Variants in TMED3 observed in about 807,000 individuals in gnomAD.
TMED3 encodes transmembrane p24 trafficking protein 3.
A neutral mutation model predicts 15.0 loss-of-function variants in TMED3; 9 were observed. That is an observed-to-expected ratio of 0.60 (90% CI 0.36 to 1.04). TMED3 has a LOEUF of 1.04. Among genes scored for constraint, TMED3 ranks in the 50% least tolerant of loss-of-function variants. The probability of loss-of-function intolerance (pLI) is 0.01; values close to 1 mark genes in which losing one functional copy is unlikely to be tolerated. For missense variants in TMED3, 267 were observed against 278.9 expected (o/e 0.96, Z 0.30); for synonymous variants, 117 against 121.4 (o/e 0.96, Z 0.24).
At chr15:79,355,557 T>G (rs1247650606) in intron 2 of TMED3, among the ~76,000 whole-genome samples, 2 of 152,084 alleles carry the variant, frequency 1.3e-5, no homozygotes, top group Admixed American at 1.3e-4. Context: ...AAGCCAGACA[T>G]CCACAATAAC....
intron 2 of TMED3, among the ~76,000 whole-genome samples, chr15:79,391,725 T>A (rs1458143037): frequency 6.6e-6 from 1 of 152,238 alleles, no homozygotes; most frequent in Non-Finnish European, 1.5e-5. Context: ...TCTCATTTCT[T>A]AGGTCTATTA....
At chr15:79,355,179 C>G (rs1458701638) in intron 2 of TMED3, among the ~76,000 whole-genome samples, 1 of 152,072 alleles carries the variant, frequency 6.6e-6, no homozygotes, top group African/African-American at 2.4e-5. Context: ...TAAGTAACTC[C>G]AAAACACTGT....
chr15:79,333,548 A>G (rs1011347458), intron 2 of TMED3, among the ~76,000 whole-genome samples: 6 of 152,196 alleles, frequency 3.9e-5, no homozygotes, highest in Non-Finnish European at 7.3e-5. Context: ...TTTCAGTTCA[A>G]TATTTGACCA....
At chr15:79,374,703 G>A (rs937602582) in intron 2 of TMED3, among the ~76,000 whole-genome samples, 14 of 152,196 alleles carry the variant, frequency 9.2e-5, no homozygotes, top group African/African-American at 2.9e-4. Flanking sequence ...AAGGACTTGG[G>A]GGGTTAGGGA....
downstream of TMED3, among the ~76,000 whole-genome samples, chr15:79,324,616 A>G (rs776063649): frequency 3.3e-5 from 5 of 152,222 alleles, no homozygotes; most frequent in African/African-American, 4.8e-5. Context: ...CTCCCTTGTA[A>G]CTATTTAAAT....
At chr15:79,335,800 G>A (rs1014135956) in intron 2 of TMED3, among the ~76,000 whole-genome samples, 7 of 152,178 alleles carry the variant, frequency 4.6e-5, no homozygotes, top group East Asian at 1.9e-4. Flanking sequence ...AAATGTAAAC[G>A]CTAGCTTTCT....
intron 2 of TMED3, among the ~76,000 whole-genome samples, chr15:79,332,899 C>T (rs1419489276): frequency 1.3e-5 from 2 of 152,198 alleles, no homozygotes; most frequent in Admixed American, 6.5e-5. Context: ...CACCTCCTCT[C>T]CAGCCTTAGG....
chr15:79,376,138 C>G (rs908937799), intron 2 of TMED3, among the ~76,000 whole-genome samples: 2 of 131,210 alleles, frequency 1.5e-5, no homozygotes, highest in Non-Finnish European at 3.1e-5. Flanking sequence ...GAGACGAAGT[C>G]TCGCTCTGTC....
At chr15:79,354,471 C>T (rs867824881) in intron 2 of TMED3, among the ~76,000 whole-genome samples, 2 of 152,258 alleles carry the variant, frequency 1.3e-5, no homozygotes, top group Middle Eastern at 6.8e-3. Context: ...AGCCATTGGG[C>T]TTGTGTGGTG....
intron 2 of TMED3, among the ~76,000 whole-genome samples, chr15:79,404,169 A>G (rs889798357): frequency 6.6e-6 from 1 of 152,190 alleles, no homozygotes; most frequent in African/African-American, 2.4e-5. Flanking sequence ...TTGCATGGAG[A>G]GCTGGAGGAA....
At chr15:79,341,228 A>G (rs985684668) in intron 2 of TMED3, among the ~76,000 whole-genome samples, 1 of 8,538 alleles carries the variant, frequency 1.2e-4, no homozygotes, top group African/African-American at 5.3e-4. Flanking sequence ...AGGTGAAGAA[A>G]GAAAGCCAGC....
intron 2 of TMED3, among the ~76,000 whole-genome samples, chr15:79,369,698 T>A (rs7169738): frequency 0.11 from 16,909 of 152,320 alleles, 1,010 homozygotes; most frequent in Admixed American, 0.14. Context: ...TGGAGTAGTC[T>A]TGTTTTTGTC....
At chr15:79,360,908 A>G (rs1450977588) in intron 2 of TMED3, among the ~76,000 whole-genome samples, 1 of 152,172 alleles carries the variant, frequency 6.6e-6, no homozygotes, top group Non-Finnish European at 1.5e-5. Flanking sequence ...GGAGTGCACT[A>G]TTGTGATCAT....
intron 2 of TMED3, among the ~76,000 whole-genome samples, chr15:79,370,066 C>T (rs544764930): frequency 6.6e-6 from 1 of 152,180 alleles, no homozygotes; most frequent in East Asian, 1.9e-4. Flanking sequence ...TAGGGAATGT[C>T]TGGTGAAGAA....
chr15:79,375,645 A>G (rs1283818403), intron 2 of TMED3, among the ~76,000 whole-genome samples: 2 of 152,126 alleles, frequency 1.3e-5, no homozygotes, highest in East Asian at 1.9e-4. Flanking sequence ...GAGGTGCCAC[A>G]TACTTTTAAA....
chr15:79,407,203 G>A (rs1042714909), intron 2 of TMED3, among the ~76,000 whole-genome samples: 1 of 152,170 alleles, frequency 6.6e-6, no homozygotes, highest in African/African-American at 2.4e-5. Context: ...TTGAGTGAAA[G>A]CTTGGAGGAG....
At chr15:79,394,377 G>T (rs1367084413) in intron 2 of TMED3, among the ~76,000 whole-genome samples, 2 of 152,184 alleles carry the variant, frequency 1.3e-5, no homozygotes, top group Non-Finnish European at 2.9e-5. Flanking sequence ...GGCTCTGGTT[G>T]TGTCTCTGGC....
At position 79,379,160 on chromosome 15, in the gene TMED3, A is replaced by G. The variant is rs558055636; in HGVS notation, c.418-32240A>G. 1.7e-4 allele frequency among the ~76,000 whole-genome samples: 26 copies of G among 152,340 alleles called. 1 individual carries two copies. In the South Asian group the frequency reaches 5.2e-3, roughly 30 times the overall value. On this transcript the variant is annotated intron_variant, in intron 2 of 2. Transcript: ENST00000424155. ...TGTTGCCCCTTTACTCACAGGCACC[A>G]TATTTAATCAATAAGAGTGGGGAAA...
At chr15:79,340,920 A>G (rs1201008047) in intron 2 of TMED3, among the ~76,000 whole-genome samples, 2 of 152,208 alleles carry the variant, frequency 1.3e-5, no homozygotes, top group East Asian at 3.8e-4. Flanking sequence ...TTTGCTGGGC[A>G]TAGTGATTCA....
Sources: allele counts gnomAD v4.1 joint callset (sites outside exome capture counted in the v4.1 genomes callset), GRCh38; gene constraint gnomAD v4.1.1; transcripts MANE v1.5; gene names NCBI Gene and HGNC (gene_info 2026-07-23, HGNC 2026-07-21).